The following SPON1 variants were observed in gnomAD, a reference collection of about 807,000 sequenced individuals.
SPON1 encodes the protein spondin 1, also known as spondin-1.
Under a neutral mutation model 111.7 loss-of-function variants are expected in SPON1, and 52 were observed. That is an observed-to-expected ratio of 0.47 (90% confidence interval 0.37 to 0.59). SPON1 has a LOEUF of 0.59. Among genes scored for constraint, SPON1 ranks in the 20% least tolerant of loss-of-function variants. The probability of loss-of-function intolerance (pLI) is 0.00; values close to 1 mark genes in which losing one functional copy is unlikely to be tolerated. For synonymous variants in SPON1, 410 were observed against 395.8 expected (o/e 1.04, Z -0.43); for missense variants, 957 against 1,068.5 (o/e 0.90, Z 1.46).
chr11:14,168,109 C>A (rs1554932012), intron 6 of SPON1, among the ~76,000 whole-genome samples: 1 of 152,156 alleles, frequency 6.6e-6, no homozygotes, highest in African/African-American at 2.4e-5. Flanking sequence ...AACTCTTACT[C>A]CTTTTAGCAT....
intron 6 of SPON1, among the ~76,000 whole-genome samples, chr11:14,140,757 G>A (rs1847644562): frequency 6.6e-6 from 1 of 151,974 alleles, no homozygotes; most frequent in African/African-American, 2.4e-5. Context: ...AAGTGATGGT[G>A]TCTTTACAGT....
intron 14 of SPON1, 184 bp from the exon 15 acceptor site, chr11:14,262,528 C>T: frequency 1.4e-6 from 1 of 723,862 alleles, no homozygotes; most frequent in Non-Finnish European, 2.3e-6. Context: ...GCCTCTGCTG[C>T]TTACCAACCA....
At chr11:14,132,964 G>A (rs1166871420) in intron 5 of SPON1, among the ~76,000 whole-genome samples, 3 of 152,266 alleles carry the variant, frequency 2.0e-5, no homozygotes, top group Non-Finnish European at 2.9e-5. Flanking sequence ...AATTACAAAC[G>A]AGGGAACTGA....
intron 6 of SPON1, among the ~76,000 whole-genome samples, chr11:14,161,473 C>A (rs1164324040): frequency 6.6e-6 from 1 of 150,672 alleles, no homozygotes; most frequent in Non-Finnish European, 1.5e-5. Flanking sequence ...TGCACACCAT[C>A]ACACCCAGAT....
At chr11:14,168,652 C>G (rs547244820) in intron 6 of SPON1, among the ~76,000 whole-genome samples, 1 of 150,742 alleles carries the variant, frequency 6.6e-6, no homozygotes, top group East Asian at 2.0e-4. Flanking sequence ...ATCCCTCCCC[C>G]GCCCCCACCC....
At chr11:14,234,280 T>C (rs1251488275) in intron 6 of SPON1, among the ~76,000 whole-genome samples, 4 of 152,222 alleles carry the variant, frequency 2.6e-5, no homozygotes, top group Non-Finnish European at 5.9e-5. Flanking sequence ...TTCGAATACC[T>C]TCTGCTGTGG....
chr11:14,159,921 GGGATGGTTAACC>G (rs1847890870), intron 6 of SPON1, among the ~76,000 whole-genome samples: 3 of 151,474 alleles, frequency 2.0e-5, no homozygotes, highest in Non-Finnish European at 2.9e-5. Flanking sequence ...GGGGGGGATG[GGGATGGTTAACC>G]GGTACAAAAA....
intron 6 of SPON1, among the ~76,000 whole-genome samples, chr11:14,239,977 T>A (rs1554939522): frequency 1.3e-5 from 2 of 152,220 alleles, no homozygotes; most frequent in Non-Finnish European, 2.9e-5. Context: ...TAAATTTGCT[T>A]CACATTTTGA....
intron 14 of SPON1, chr11:14,262,343 A>G: frequency 4.1e-6 from 1 of 242,148 alleles, no homozygotes; most frequent in East Asian, 8.7e-5. Flanking sequence ...TTGCTCTGAA[A>G]AATATCACCA....
At chr11:14,191,011 T>TAAAAAAAAAAAAAAAAAA (rs1564927675) in intron 6 of SPON1, among the ~76,000 whole-genome samples, 1 of 151,418 alleles carries the variant, frequency 6.6e-6, no homozygotes, top group African/African-American at 2.5e-5. Context: ...CATCACTTGG[T>TAAAAAAAAAAAAAAAAAA]ATATAAAGAA....
At chr11:14,160,975 T>TATATATTTATATA (rs1564919834) in intron 6 of SPON1, among the ~76,000 whole-genome samples, 1 of 48,714 alleles carries the variant, frequency 2.1e-5, no homozygotes, top group African/African-American at 8.3e-5. Context: ...ATATATATTT[T>TATATATTTATATA]TATATATTTA....
intron 6 of SPON1, among the ~76,000 whole-genome samples, chr11:14,161,003 TTATATATTTATATATC>T (rs1847941544): frequency 1.9e-5 from 1 of 51,426 alleles, no homozygotes; most frequent in Non-Finnish European, 3.3e-5. Context: ...TTTTATATAT[TTATATATTTATATATC>T]TATATATATT....
At chr11:13,967,462 C>G (rs1223825316) in intron 1 of SPON1, among the ~76,000 whole-genome samples, 1 of 150,946 alleles carries the variant, frequency 6.6e-6, no homozygotes, top group African/African-American at 2.4e-5. Flanking sequence ...CATGAAGAAC[C>G]TTGTCAGCCT....
Position 14,075,351 on chromosome 11 carries a change from C to T in SPON1, c.486C>T (p.Ser162=). The T allele has an allele frequency of 6.4e-7, 1 of 1,557,868 alleles. No homozygotes were observed. Residue 162 remains serine (S), a synonymous_variant, in exon 4 of 16, where the codon AGC becomes AGT. Transcript: ENST00000576479. ...AGTGCVILKA[S]IVQKRIIYFQ... is the part of the protein sequence containing the mutation. ...GGGTCTTCTTTCTTCACAGGGCCAG[C>T]ATCGTACAAAAACGCATTATTTATT...
At chr11:14,245,067 G>A (rs970551819) in intron 7 of SPON1, among the ~76,000 whole-genome samples, 7 of 152,280 alleles carry the variant, frequency 4.6e-5, no homozygotes, top group South Asian at 2.1e-4. Flanking sequence ...ATTAACACCC[G>A]TATTGAAGAC....
intron 2 of SPON1, among the ~76,000 whole-genome samples, chr11:14,020,612 C>G (rs541599522): frequency 6.6e-6 from 1 of 152,070 alleles, no homozygotes; most frequent in Non-Finnish European, 1.5e-5. Context: ...GATGTAAGTA[C>G]GAGGATGTTG....
intron 5 of SPON1, among the ~76,000 whole-genome samples, chr11:14,091,045 T>C (rs531018214): frequency 1.3e-5 from 2 of 151,768 alleles, no homozygotes; most frequent in South Asian, 4.2e-4. Flanking sequence ...CTCACAAACC[T>C]TGAGCTAAAC....
chr11:14,266,226 G>A lies in SPON1; in HGVS notation c.*539G>A, dbSNP rs1849266270. 6.6e-6 allele frequency: 1 copy of A among 152,242 alleles called. No homozygotes were observed. The highest frequency in any genetic ancestry group is 1.5e-5 in the Non-Finnish European group (1 of 68,072). 9.4% of individuals were successfully genotyped at this position (152,242 alleles called of 1,614,324 possible). The stretch of plus-strand genomic sequence containing the variant: ...GAAAAACAGAGCTGGTAGACTTGAA[G>A]AGGAGCATTGATGTTGGGTGGCTTT... On this transcript the variant is annotated 3_prime_UTR_variant, in exon 16 of 16. Coordinates refer to ENST00000576479, the MANE Select transcript of SPON1 (RefSeq NM_006108.4).
chr11:13,970,396 A>G (rs1848053341), intron 1 of SPON1, among the ~76,000 whole-genome samples: 1 of 152,230 alleles, frequency 6.6e-6, no homozygotes, highest in Non-Finnish European at 1.5e-5. Context: ...GGAGACCCAT[A>G]GGAAATAACT....
Sources: allele counts gnomAD v4.1 joint callset (sites outside exome capture counted in the v4.1 genomes callset), GRCh38; gene constraint gnomAD v4.1.1; transcripts MANE v1.5; gene names NCBI Gene and HGNC (gene_info 2026-07-23, HGNC 2026-07-21).